Variants in MARCHF1 observed in about 807,000 individuals in gnomAD.
The protein encoded by MARCHF1 is E3 ubiquitin-protein ligase MARCHF1.
In MARCHF1, 40 loss-of-function variants were observed where a neutral mutation model predicts 54.2. The ratio of observed to expected loss-of-function variants is 0.74; its 90% CI spans 0.57 to 0.96. MARCHF1 has a LOEUF of 0.96. Ranked by LOEUF, MARCHF1 falls within the 40% of genes least tolerant of loss-of-function variation. The pLI is 0.00. For synonymous variants in MARCHF1, 236 were observed against 236.3 expected (o/e 1.00, Z 0.01); for missense variants, 586 against 656.5 (o/e 0.89, Z 1.17).
At position 164,297,275 on chromosome 4, in the gene MARCHF1, T is replaced by C. The variant is rs571422589; in HGVS notation, c.-323+86595A>G. ...AATGACTCATTTTCAAAGAATAGAG[T>C]ATGAGAAGGTCTGAGAAAGGTAACT... is the stretch of plus-strand genomic sequence containing the variant. On this transcript the variant is annotated intron_variant, in intron 1 of 9. Coordinates refer to ENST00000514618, the MANE Select transcript of MARCHF1 (RefSeq NM_001394959.1). 5.3e-4 allele frequency among the ~76,000 whole-genome samples: 81 copies of C among 152,106 alleles called. 2 individuals carry two copies. The South Asian group carries it at 0.016, about 31-fold the overall frequency.
intron 1 of MARCHF1, among the ~76,000 whole-genome samples, chr4:164,293,728 T>C (rs1204297143): frequency 6.6e-6 from 1 of 152,244 alleles, no homozygotes; most frequent in Non-Finnish European, 1.5e-5. Context: ...AGTGACTCTT[T>C]GTTATAAAAT....
chr4:163,984,258 G>C lies in MARCHF1; in HGVS notation c.-39+4243C>G, dbSNP rs184549280. ...TTTTGGAAAAAAATGTAAAAACTGA[G>C]GTAGAGAAATATTACAAAATAATGG... On this transcript the variant is annotated intron_variant, in intron 3 of 9. Transcript: ENST00000514618. 1.6e-4 allele frequency among the ~76,000 whole-genome samples: 24 copies of C among 152,128 alleles called. No individual in the cohort carries two copies. The East Asian group carries it at 4.1e-3, about 26-fold the overall frequency.
chr4:163,559,553 T>G (rs1739401183), intron 8 of MARCHF1, among the ~76,000 whole-genome samples: 1 of 152,074 alleles, frequency 6.6e-6, no homozygotes, highest in Non-Finnish European at 1.5e-5. Context: ...AGAAGAGATC[T>G]AACACAGAAC....
At chr4:163,975,920 TAG>T (rs1752641045) in intron 3 of MARCHF1, among the ~76,000 whole-genome samples, 1 of 152,164 alleles carries the variant, frequency 6.6e-6, no homozygotes, top group Admixed American at 6.5e-5. Flanking sequence ...TTGGATTGGA[TAG>T]AGTCAGTACA....
At chr4:163,900,164 A>G (rs1048835809) in intron 3 of MARCHF1, among the ~76,000 whole-genome samples, 5 of 152,090 alleles carry the variant, frequency 3.3e-5, no homozygotes, top group African/African-American at 9.7e-5. Context: ...TACGAACTCA[A>G]TGAAGTTTTG....
intron 1 of MARCHF1, among the ~76,000 whole-genome samples, chr4:164,139,967 T>A (rs1002798529): frequency 6.6e-6 from 1 of 152,066 alleles, no homozygotes; most frequent in Non-Finnish European, 1.5e-5. Context: ...CAACCCCCAA[T>A]AATAAAGGCT....
chr4:163,892,932 A>G (rs1321281291), intron 3 of MARCHF1, among the ~76,000 whole-genome samples: 1 of 152,164 alleles, frequency 6.6e-6, no homozygotes, highest in African/African-American at 2.4e-5. Context: ...ATATTTCCAC[A>G]AGGAAATGCA....
At chr4:164,177,840 CAAAG>C (rs1246744725) in intron 1 of MARCHF1, among the ~76,000 whole-genome samples, 1 of 151,220 alleles carries the variant, frequency 6.6e-6, no homozygotes, top group Admixed American at 6.6e-5. Flanking sequence ...CACAGAGAGA[CAAAG>C]AAAGACAGAG....
intron 1 of MARCHF1, among the ~76,000 whole-genome samples, chr4:164,324,746 G>C (rs1735229346): frequency 6.6e-6 from 1 of 151,184 alleles, no homozygotes; most frequent in Admixed American, 6.6e-5. Context: ...AAAATCTTTA[G>C]AAATAAATTT....
At chr4:163,713,225 C>A (rs1304678009) in intron 4 of MARCHF1, among the ~76,000 whole-genome samples, 3 of 151,908 alleles carry the variant, frequency 2.0e-5, no homozygotes, top group Non-Finnish European at 2.9e-5. Flanking sequence ...ACTTTCCGGC[C>A]TATAGAAACA....
chr4:164,259,544 C>CAAAAAAAAAAAA (rs141030578), intron 1 of MARCHF1, among the ~76,000 whole-genome samples: 25 of 58,934 alleles, frequency 4.2e-4, no homozygotes, highest in African/African-American at 9.8e-4. Context: ...GACCGTGTCT[C>CAAAAAAAAAAAA]AAAAAAAAAA....
At chr4:163,607,749 A>G (rs1354923263) in intron 7 of MARCHF1, among the ~76,000 whole-genome samples, 1 of 152,106 alleles carries the variant, frequency 6.6e-6, no homozygotes, top group Non-Finnish European at 1.5e-5. Context: ...TGTAGCATAG[A>G]ATAGTGTTTC....
intron 1 of MARCHF1, chr4:164,196,937 A>T: frequency 6.3e-7 from 1 of 1,587,292 alleles, no homozygotes; most frequent in Non-Finnish European, 8.6e-7. Context: ...AAAACAGTCA[A>T]ATCACAATAG....
intron 1 of MARCHF1, among the ~76,000 whole-genome samples, chr4:164,245,284 G>T (rs993695680): frequency 3.3e-5 from 5 of 152,128 alleles, no homozygotes; most frequent in African/African-American, 1.2e-4. Flanking sequence ...TTCATCCCTG[G>T]GATGCAAGGC....
At position 164,083,929 on chromosome 4, in the gene MARCHF1, T is replaced by C. The variant is rs540737397; in HGVS notation, c.-248+27659A>G. Among the ~76,000 whole-genome samples, 3 of 152,190 alleles carry C rather than the reference T, an allele frequency of 2.0e-5. No homozygotes were observed. The East Asian group carries it at 5.8e-4, about 29-fold the overall frequency. On this transcript the variant is annotated intron_variant, in intron 2 of 9. Transcript: ENST00000514618. ...CATTAGCCATACTTCTTGCAAACTA[T>C]TTTAACCTAGAGATATAATTTTTGC...
chr4:164,342,415 A>G (rs1377158002), intron 1 of MARCHF1, among the ~76,000 whole-genome samples: 1 of 152,064 alleles, frequency 6.6e-6, no homozygotes, highest in African/African-American at 2.4e-5. Context: ...TCCTCAACTA[A>G]TTAAAAATAA....
chr4:163,730,546 G>A (rs922168043), intron 4 of MARCHF1, among the ~76,000 whole-genome samples: 8 of 151,682 alleles, frequency 5.3e-5, no homozygotes, highest in African/African-American at 1.9e-4. Flanking sequence ...CTCAAGATTT[G>A]GTTTTTTTAT....
At chr4:163,916,332 T>C (rs182305100) in intron 3 of MARCHF1, among the ~76,000 whole-genome samples, 5 of 152,238 alleles carry the variant, frequency 3.3e-5, no homozygotes, top group African/African-American at 1.2e-4. Context: ...TGCCTAGATA[T>C]AAGAGTGATG....
intron 5 of MARCHF1, among the ~76,000 whole-genome samples, chr4:163,645,693 T>TA (rs1479354152): frequency 1.3e-5 from 2 of 151,734 alleles, no homozygotes; most frequent in Non-Finnish European, 2.9e-5. Flanking sequence ...AAGACAGAAG[T>TA]AAAAAACTCA....
Sources: allele counts gnomAD v4.1 joint callset (sites outside exome capture counted in the v4.1 genomes callset), GRCh38; gene constraint gnomAD v4.1.1; transcripts MANE v1.5; gene names NCBI Gene and HGNC (gene_info 2026-07-23, HGNC 2026-07-21).